The following LRBA variants were observed in gnomAD, a reference collection of about 807,000 sequenced individuals.
LRBA encodes LPS responsive beige-like anchor protein, also known as lipopolysaccharide-responsive and beige-like anchor protein.
LRBA carries 176 observed loss-of-function variants against 330.0 expected under a neutral mutation model. That is an observed-to-expected ratio of 0.53 (90% CI 0.47 to 0.60). LRBA has a LOEUF of 0.60. LRBA is among the 20% of genes least tolerant of loss of function. The pLI, the probability that LRBA is intolerant of heterozygous loss-of-function variation, is 0.00. For missense variants in LRBA, 3,259 were observed against 3,444.8 expected (o/e 0.95, Z 1.35); for synonymous variants, 1,230 against 1,193.0 (o/e 1.03, Z -0.64).
At chr4:150,764,484 T>G (rs1396738935) in intron 34 of LRBA, among the ~76,000 whole-genome samples, 2 of 151,988 alleles carry the variant, frequency 1.3e-5, no homozygotes, top group African/African-American at 2.4e-5. Flanking sequence ...TCAACCACTT[T>G]CCTATGTATC....
chr4:150,624,530 C>G (rs1468537621), intron 37 of LRBA, among the ~76,000 whole-genome samples: 15 of 152,070 alleles, frequency 9.9e-5, no homozygotes, highest in Non-Finnish European at 2.2e-4. Context: ...ACATATCAAA[C>G]CTAAAGTTAT....
At chr4:150,502,325 A>C (rs1416266649) in intron 40 of LRBA, among the ~76,000 whole-genome samples, 1 of 152,200 alleles carries the variant, frequency 6.6e-6, no homozygotes, top group East Asian at 1.9e-4. Context: ...AAAAATCTTA[A>C]AACCAAGCTC....
intron 33 of LRBA, among the ~76,000 whole-genome samples, chr4:150,798,993 C>T (rs1383657050): frequency 6.6e-6 from 1 of 152,092 alleles, no homozygotes; most frequent in Non-Finnish European, 1.5e-5. Context: ...ATCCTATTGC[C>T]TTCTTTTTTC....
At chr4:150,536,358 C>T (rs1764656005) in intron 40 of LRBA, among the ~76,000 whole-genome samples, 1 of 152,112 alleles carries the variant, frequency 6.6e-6, no homozygotes, top group Non-Finnish European at 1.5e-5. Flanking sequence ...TGTAGGAAAA[C>T]ATATTGTTTT....
intron 48 of LRBA, among the ~76,000 whole-genome samples, chr4:150,336,255 G>A (rs989364262): frequency 6.6e-6 from 1 of 151,986 alleles, no homozygotes; most frequent in African/African-American, 2.4e-5. Flanking sequence ...TTGATAAACT[G>A]GTCAAAAACT....
At chr4:150,621,091 G>T (rs1331782644) in intron 37 of LRBA, among the ~76,000 whole-genome samples, 2 of 61,706 alleles carry the variant, frequency 3.2e-5, no homozygotes, top group Non-Finnish European at 1.6e-4. Context: ...TCCCTTCTTC[G>T]GAAAAAAAAA....
intron 37 of LRBA, among the ~76,000 whole-genome samples, chr4:150,627,392 T>G (rs1473792127): frequency 6.6e-6 from 1 of 152,074 alleles, no homozygotes; most frequent in Non-Finnish European, 1.5e-5. Flanking sequence ...TTAGTTCTAT[T>G]TTTATGGTAT....
chr4:150,951,305 A>G (rs970738121), intron 2 of LRBA, among the ~76,000 whole-genome samples: 5 of 152,152 alleles, frequency 3.3e-5, no homozygotes, highest in African/African-American at 1.2e-4. Flanking sequence ...TAACACAGCA[A>G]TTTTTTAAAT....
chr4:150,639,781 A>G (rs1382086411), intron 37 of LRBA, among the ~76,000 whole-genome samples: 4 of 14,300 alleles, frequency 2.8e-4, no homozygotes, highest in Admixed American at 1.1e-3. Flanking sequence ...ATATATATAT[A>G]TGTGTGTGTG....
At chr4:150,945,768 G>A (rs1189763167) in intron 2 of LRBA, among the ~76,000 whole-genome samples, 1 of 151,540 alleles carries the variant, frequency 6.6e-6, no homozygotes, top group Non-Finnish European at 1.5e-5. Context: ...CTCCTTATGT[G>A]CTTTATATGG....
chr4:150,510,088 C>T (rs1033191080), intron 40 of LRBA, among the ~76,000 whole-genome samples: 2 of 151,926 alleles, frequency 1.3e-5, no homozygotes, highest in African/African-American at 4.8e-5. Flanking sequence ...TGCAGTGAGC[C>T]GAGATCACGC....
At chr4:150,796,980 G>GA (rs1450338293) in intron 34 of LRBA, among the ~76,000 whole-genome samples, 1 of 151,796 alleles carries the variant, frequency 6.6e-6, no homozygotes, top group African/African-American at 2.4e-5. Context: ...TTAAATTATA[G>GA]AACATGATTC....
At chr4:150,973,774 C>T (rs1450306394) in intron 2 of LRBA, among the ~76,000 whole-genome samples, 1 of 152,174 alleles carries the variant, frequency 6.6e-6, no homozygotes, top group Non-Finnish European at 1.5e-5. Flanking sequence ...GAGAAGATCA[C>T]TTCAGCCCAG....
At chr4:150,539,714 G>C (rs757149620) in intron 40 of LRBA, among the ~76,000 whole-genome samples, 2 of 152,104 alleles carry the variant, frequency 1.3e-5, no homozygotes, top group Admixed American at 1.3e-4. Context: ...TAATTGACCT[G>C]AACACTACTC....
chr4:150,410,179 C>T (rs1453791586), intron 47 of LRBA, among the ~76,000 whole-genome samples: 1 of 152,008 alleles, frequency 6.6e-6, no homozygotes, highest in Admixed American at 6.6e-5. Flanking sequence ...GACAGTCTGT[C>T]TCTATGCTGT....
chr4:150,696,657 C>T (rs768257844), intron 36 of LRBA, among the ~76,000 whole-genome samples: 21 of 151,942 alleles, frequency 1.4e-4, no homozygotes, highest in Non-Finnish European at 2.6e-4. Context: ...GAGATAACTG[C>T]TCAAAGAGTT....
rs1553964882 is a variant in LRBA at position 150,803,083 on chromosome 4, TACACACAC to T, written c.5518+3180_5518+3187del. On this transcript the variant is annotated intron_variant, in intron 33 of 56. Transcript: ENST00000651943. ...AAAACAAACAAAAAAAAAATATATA[TACACACAC>T]ACACACACACACACACACATATATA... is the stretch of plus-strand genomic sequence containing the variant. 9.4e-3 allele frequency among the ~76,000 whole-genome samples: 1,203 copies of T among 128,482 alleles called. 4 individuals carry two copies. Among genetic ancestry groups the T allele is most frequent in the African/African-American group, 0.019 (621 of 33,052 alleles). 84.3% of individuals were successfully genotyped at this position (128,482 alleles called of 152,430 possible).
At chr4:150,848,696 C>A (rs1022187105) in intron 26 of LRBA, 122 bp downstream of exon 26, 4 of 744,776 alleles carry the variant, frequency 5.4e-6, no homozygotes, top group Non-Finnish European at 8.8e-6. Flanking sequence ...AAAAAAGTAA[C>A]CATATGACAA....
intron 28 of LRBA, chr4:150,840,998 C>A: frequency 8.0e-7 from 1 of 1,255,420 alleles, no homozygotes; most frequent in Non-Finnish European, 1.0e-6. Flanking sequence ...ATTTGTGATC[C>A]GTGATCTGAC....
Sources: gnomAD v4.1 joint callset for allele counts (sites outside exome capture counted in the v4.1 genomes callset) on GRCh38, gnomAD v4.1.1 for gene constraint, MANE v1.5 for transcripts, NCBI Gene and HGNC (gene_info 2026-07-23, HGNC 2026-07-21) for gene names.